Variants in DOCK1 observed in about 807,000 individuals in gnomAD.
DOCK1 encodes the protein dedicator of cytokinesis protein 1.
In DOCK1, 138 loss-of-function variants were observed where a neutral mutation model predicts 262.7. The ratio of observed to expected loss-of-function variants is 0.53; its 90% CI spans 0.46 to 0.61. The LOEUF (loss-of-function observed/expected upper bound fraction) is 0.61. Among genes scored for constraint, DOCK1 ranks in the 20% least tolerant of loss-of-function variants. DOCK1 has a pLI of 0.00. For missense variants in DOCK1, 1,908 were observed against 2,370.7 expected (o/e 0.80, Z 4.05); for synonymous variants, 866 against 867.4 (o/e 1.00, Z 0.03).
intron 1 of DOCK1, among the ~76,000 whole-genome samples, chr10:126,949,614 G>A (rs1380892112): frequency 2.0e-5 from 3 of 152,122 alleles, no homozygotes; most frequent in African/African-American, 7.2e-5. Context: ...GGTGTTGAAT[G>A]TCCTTTCTGT....
At chr10:127,035,267 A>G (rs1047019525) in intron 18 of DOCK1, among the ~76,000 whole-genome samples, 1 of 152,198 alleles carries the variant, frequency 6.6e-6, no homozygotes, top group Admixed American at 6.5e-5. Flanking sequence ...TGAATTATTC[A>G]TTGAGGTTGG....
At chr10:127,187,728 GAGAAAGAAAGAAAGAAAGAGAGAA>G (rs2056406222) in intron 27 of DOCK1, among the ~76,000 whole-genome samples, 1 of 119,316 alleles carries the variant, frequency 8.4e-6, no homozygotes, top group African/African-American at 2.7e-5. Flanking sequence ...AGAAGAAAGA[GAGAAAGAAAGAAAGAAAGAGAGAA>G]AGAGAGAAAG....
chr10:127,259,648 G>A (rs1269862139), intron 29 of DOCK1, among the ~76,000 whole-genome samples: 2 of 152,134 alleles, frequency 1.3e-5, no homozygotes, highest in Non-Finnish European at 2.9e-5. Context: ...CTGGCTCTCA[G>A]GCTGTGGATT....
At chr10:127,418,067 T>A (rs756176824) in intron 44 of DOCK1, among the ~76,000 whole-genome samples, 2 of 152,040 alleles carry the variant, frequency 1.3e-5, no homozygotes, top group Non-Finnish European at 2.9e-5. Context: ...CTGAAGCAGG[T>A]GTATTCAAGC....
intron 27 of DOCK1, among the ~76,000 whole-genome samples, chr10:127,210,910 G>A (rs563568295): frequency 2.6e-5 from 4 of 152,306 alleles, no homozygotes; most frequent in Admixed American, 6.5e-5. Context: ...TGACTTAAAC[G>A]TATTACAGCC....
intron 19 of DOCK1, among the ~76,000 whole-genome samples, chr10:127,042,357 GT>G (rs1412923984): frequency 2.6e-5 from 4 of 152,192 alleles, no homozygotes; most frequent in Non-Finnish European, 5.9e-5. Context: ...CGGAAAGAGG[GT>G]TGGAAAGGCC....
At chr10:126,978,529 T>C (rs995826940) in intron 3 of DOCK1, among the ~76,000 whole-genome samples, 25 of 152,312 alleles carry the variant, frequency 1.6e-4, no homozygotes, top group African/African-American at 5.3e-4. Context: ...CGGATCATTG[T>C]GGTGGGCACT....
chr10:127,137,369 C>T (rs944603695), intron 27 of DOCK1: 2 of 153,398 alleles, frequency 1.3e-5, no homozygotes, highest in African/African-American at 4.8e-5. Flanking sequence ...AAATTGCACT[C>T]GCCCCCTGCT....
At chr10:127,177,917 A>G (rs1353891632) in intron 27 of DOCK1, among the ~76,000 whole-genome samples, 1 of 152,220 alleles carries the variant, frequency 6.6e-6, no homozygotes, top group Non-Finnish European at 1.5e-5. Context: ...TTTCGGTGTC[A>G]CACAGGAAAT....
At chr10:126,977,202 C>G (rs1326989898) in intron 2 of DOCK1, among the ~76,000 whole-genome samples, 1 of 152,188 alleles carries the variant, frequency 6.6e-6, no homozygotes, top group African/African-American at 2.4e-5. Flanking sequence ...TGTCCTCAGC[C>G]TGAGAGGGGT....
At chr10:127,384,201 C>G (rs2065978471) in intron 37 of DOCK1, among the ~76,000 whole-genome samples, 1 of 152,198 alleles carries the variant, frequency 6.6e-6, no homozygotes, top group South Asian at 2.1e-4. Context: ...AGTGGCCTTG[C>G]CTTCCCTCTG....
intron 29 of DOCK1, among the ~76,000 whole-genome samples, chr10:127,279,878 G>A (rs138536782): frequency 1.0e-3 from 159 of 152,062 alleles, no homozygotes; most frequent in Non-Finnish European, 2.1e-3. Context: ...TTCTTTCAAA[G>A]CAGTGGCGTT....
At chr10:127,125,369 C>T (rs1449398203) in intron 25 of DOCK1, 105 bp from the exon 26 acceptor site, 2 of 1,523,130 alleles carry the variant, frequency 1.3e-6, no homozygotes, top group East Asian at 4.6e-5. Flanking sequence ...CCACGTGTTG[C>T]ACAACGTGAA....
At chr10:127,006,927 G>A (rs1389098078) in intron 10 of DOCK1, among the ~76,000 whole-genome samples, 1 of 152,136 alleles carries the variant, frequency 6.6e-6, no homozygotes, top group Non-Finnish European at 1.5e-5. Context: ...GTGGGCTGCT[G>A]CCTAAATGAG....
At chr10:127,032,084 G>T in intron 17 of DOCK1, 53 bp from the exon 18 acceptor site, 1 of 1,552,804 alleles carries the variant, frequency 6.4e-7, no homozygotes, top group Non-Finnish European at 8.7e-7. Context: ...GGCAAAAATG[G>T]TGTGTTGCTG....
intron 3 of DOCK1, among the ~76,000 whole-genome samples, chr10:126,978,280 A>G (rs1003577329): frequency 2.0e-5 from 3 of 152,204 alleles, no homozygotes; most frequent in African/African-American, 4.8e-5. Flanking sequence ...TGTGTGTGTC[A>G]GAGAATGATC....
At position 127,321,272 on chromosome 10, in the gene DOCK1, C is replaced by G. The variant is rs561422330; in HGVS notation, c.3045-17734C>G. On this transcript the variant is annotated intron_variant, in intron 29 of 51. Transcript: ENST00000623213. Reference sequence around the variant, plus strand: ...TCTCTCTCCTCCCCTCTCCTCCCCTCGGCCCTATCCTCCCCTCCCCTCTCC... The same window carrying G: ...TCTCTCTCCTCCCCTCTCCTCCCCTGGGCCCTATCCTCCCCTCCCCTCTCC... Among the ~76,000 whole-genome samples the G allele has an allele frequency of 5.5e-4, 72 of 131,808 alleles. 1 individual carries two copies. The highest frequency in any genetic ancestry group is 1.8e-4 in the Non-Finnish European group (11 of 61,594). The allele number at this position is 131,808 out of a possible 152,430, so 86.5% of individuals were successfully genotyped here.
intron 29 of DOCK1, among the ~76,000 whole-genome samples, chr10:127,321,708 C>G (rs1269073244): frequency 2.8e-5 from 4 of 143,010 alleles, no homozygotes; most frequent in African/African-American, 1.2e-4. Context: ...TCCCTTCAGC[C>G]AAACCCCTCC....
intron 29 of DOCK1, among the ~76,000 whole-genome samples, chr10:127,298,035 C>T (rs979881847): frequency 2.0e-5 from 3 of 152,070 alleles, no homozygotes; most frequent in South Asian, 2.1e-4. Context: ...ATTCCCACCA[C>T]GTGTAATAAA....
Sources: gnomAD v4.1 joint callset for allele counts (sites outside exome capture counted in the v4.1 genomes callset) on GRCh38, gnomAD v4.1.1 for gene constraint, MANE v1.5 for transcripts, NCBI Gene and HGNC (gene_info 2026-07-23, HGNC 2026-07-21) for gene names.